Variants in CNTNAP2 observed in about 807,000 individuals in gnomAD.
The protein encoded by CNTNAP2 is contactin-associated protein-like 2.
Under a neutral mutation model 155.2 loss-of-function variants are expected in CNTNAP2, and 98 were observed. That is an observed-to-expected ratio of 0.63 (90% CI 0.54 to 0.75). The LOEUF (loss-of-function observed/expected upper bound fraction) is 0.75. Among genes scored for constraint, CNTNAP2 ranks in the 30% least tolerant of loss-of-function variants. The probability of loss-of-function intolerance (pLI) is 0.00; values close to 1 mark genes in which losing one functional copy is unlikely to be tolerated. For missense variants in CNTNAP2, 1,727 were observed against 1,688.1 expected, an observed-to-expected ratio of 1.02 and a Z score of -0.40; for synonymous variants, 651 against 631.2, an observed-to-expected ratio of 1.03 and a Z score of -0.47.
intron 2 of CNTNAP2, among the ~76,000 whole-genome samples, chr7:146,799,667 C>T (rs1802838828): frequency 6.6e-6 from 1 of 152,174 alleles, no homozygotes; most frequent in African/African-American, 2.4e-5. Flanking sequence ...TGACTAAATG[C>T]AGCTGACTCC....
intron 3 of CNTNAP2, among the ~76,000 whole-genome samples, chr7:146,898,947 G>A (rs955324147): frequency 1.3e-5 from 2 of 151,226 alleles, no homozygotes; most frequent in African/African-American, 4.9e-5. Context: ...AGTGATTTTT[G>A]TCAAATTTAC....
chr7:146,322,772 G>A (rs549006032), intron 1 of CNTNAP2, among the ~76,000 whole-genome samples: 1 of 150,174 alleles, frequency 6.7e-6, no homozygotes, highest in South Asian at 2.1e-4. Context: ...TAATAATAGA[G>A]GTGGTGTTAA....
At chr7:147,242,257 C>T (rs1255252592) in intron 8 of CNTNAP2, among the ~76,000 whole-genome samples, 1 of 152,178 alleles carries the variant, frequency 6.6e-6, no homozygotes, top group African/African-American at 2.4e-5. Context: ...TTCTCTGACA[C>T]AAGTTTGTTA....
intron 21 of CNTNAP2, among the ~76,000 whole-genome samples, chr7:148,342,688 C>T (rs1392737879): frequency 2.0e-5 from 3 of 152,218 alleles, no homozygotes; most frequent in Non-Finnish European, 2.9e-5. Flanking sequence ...TAAAGCTCAA[C>T]ACTGACCTTC....
intron 4 of CNTNAP2, among the ~76,000 whole-genome samples, chr7:147,062,990 A>G (rs930538960): frequency 1.3e-5 from 2 of 152,216 alleles, no homozygotes; most frequent in Non-Finnish European, 2.9e-5. Flanking sequence ...TTGAAAGCAG[A>G]ATAGAAGACT....
At chr7:148,293,539 C>T (rs1740986485) in intron 21 of CNTNAP2, among the ~76,000 whole-genome samples, 1 of 152,078 alleles carries the variant, frequency 6.6e-6, no homozygotes, top group African/African-American at 2.4e-5. Flanking sequence ...GATATAATCC[C>T]CCAAAATTAA....
intron 1 of CNTNAP2, among the ~76,000 whole-genome samples, chr7:146,735,967 G>A (rs907296278): frequency 6.6e-6 from 1 of 152,048 alleles, no homozygotes; most frequent in Non-Finnish European, 1.5e-5. Context: ...TACTTACTCT[G>A]ATTTGATCAT....
At chr7:147,577,210 G>A (rs1381456734) in intron 12 of CNTNAP2, among the ~76,000 whole-genome samples, 1 of 151,962 alleles carries the variant, frequency 6.6e-6, no homozygotes, top group Non-Finnish European at 1.5e-5. Context: ...TCATACTTCT[G>A]CGTCACTGCT....
chr7:148,042,984 A>G (rs1802706721), intron 15 of CNTNAP2, among the ~76,000 whole-genome samples: 1 of 152,252 alleles, frequency 6.6e-6, no homozygotes, highest in African/African-American at 2.4e-5. Flanking sequence ...GTAAAGTCCC[A>G]TTGAGAATTA....
chr7:147,326,173 C>A (rs910966649), intron 9 of CNTNAP2, among the ~76,000 whole-genome samples: 2 of 152,216 alleles, frequency 1.3e-5, no homozygotes, highest in African/African-American at 4.8e-5. Flanking sequence ...ATCCGCCCGC[C>A]TTGGCCTCCC....
At chr7:146,640,801 T>C (rs1799691842) in intron 1 of CNTNAP2, among the ~76,000 whole-genome samples, 2 of 152,140 alleles carry the variant, frequency 1.3e-5, no homozygotes, top group African/African-American at 4.8e-5. Flanking sequence ...GATGAATTGA[T>C]GTTGATTTTC....
At chr7:147,797,349 T>TG (rs1797913705) in intron 13 of CNTNAP2, among the ~76,000 whole-genome samples, 1 of 152,122 alleles carries the variant, frequency 6.6e-6, no homozygotes, top group African/African-American at 2.4e-5. Flanking sequence ...TTCTATATGT[T>TG]GCATTTTAGA....
At chr7:146,347,163 C>G (rs1052596360) in intron 1 of CNTNAP2, among the ~76,000 whole-genome samples, 1 of 145,698 alleles carries the variant, frequency 6.9e-6, no homozygotes, top group African/African-American at 2.6e-5. Flanking sequence ...AAAAAAAAAC[C>G]CTGCCTGTGC....
chr7:146,387,446 C>T (rs1297045358), intron 1 of CNTNAP2, among the ~76,000 whole-genome samples: 1 of 152,148 alleles, frequency 6.6e-6, no homozygotes, highest in Admixed American at 6.5e-5. Context: ...TCATTTGTTT[C>T]TTCTCTACTT....
chr7:146,613,753 T>C (rs1799178386), intron 1 of CNTNAP2, among the ~76,000 whole-genome samples: 1 of 152,132 alleles, frequency 6.6e-6, no homozygotes. Flanking sequence ...AACAGTGACC[T>C]ATGACTACCA....
intron 3 of CNTNAP2, among the ~76,000 whole-genome samples, chr7:146,947,578 T>TATATATATATATATATATGTATATAC (rs1797214875): frequency 1.5e-5 from 1 of 65,894 alleles, no homozygotes; most frequent in African/African-American, 4.7e-5. Flanking sequence ...TATATATACA[T>TATATATATATATATATATGTATATAC]ATATATATAT....
At chr7:147,026,324 T>C (rs1798918433) in intron 3 of CNTNAP2, among the ~76,000 whole-genome samples, 1 of 152,200 alleles carries the variant, frequency 6.6e-6, no homozygotes. Flanking sequence ...AGAATACTAA[T>C]ATCAAAAATA....
chr7:147,529,711 G>A (rs929606754), intron 11 of CNTNAP2, among the ~76,000 whole-genome samples: 1 of 152,128 alleles, frequency 6.6e-6, no homozygotes, highest in African/African-American at 2.4e-5. Flanking sequence ...AGGACTACAG[G>A]TTTCCAGAAA....
At chr7:146,377,303 C>G (rs1795317086) in intron 1 of CNTNAP2, among the ~76,000 whole-genome samples, 1 of 152,178 alleles carries the variant, frequency 6.6e-6, no homozygotes, top group South Asian at 2.1e-4. Flanking sequence ...CCCAAGTGTT[C>G]CACATGCTTC....
Sources: gnomAD v4.1 joint callset for allele counts (sites outside exome capture counted in the v4.1 genomes callset) on GRCh38, gnomAD v4.1.1 for gene constraint, MANE v1.5 for transcripts, NCBI Gene and HGNC (gene_info 2026-07-23, HGNC 2026-07-21) for gene names.